VIPR1: variants seen among roughly 807,000 people sequenced by gnomAD.
VIPR1 encodes vasoactive intestinal peptide receptor 1, also known as vasoactive intestinal polypeptide receptor 1.
In VIPR1, 59 loss-of-function variants were observed where a neutral mutation model predicts 58.8. The observed-to-expected ratio is 1.00, with a 90% CI of 0.81 to 1.25. The LOEUF (loss-of-function observed/expected upper bound fraction) is 1.25. Ranked by LOEUF, VIPR1 falls within the 50% of genes most tolerant of loss-of-function variation. VIPR1 has a pLI of 0.00. For synonymous variants in VIPR1, 251 were observed against 242.1 expected (o/e 1.04, Z -0.34); for missense variants, 626 against 602.7 (o/e 1.04, Z -0.40).
At chr3:42,528,309 C>T (rs909357383) in intron 6 of VIPR1, 186 bp downstream of exon 6, 13 of 783,156 alleles carry the variant, frequency 1.7e-5, no homozygotes, top group East Asian at 2.7e-5. Context: ...CACTCCCCTC[C>T]GGCAACAGGA....
intron 1 of VIPR1, among the ~76,000 whole-genome samples, chr3:42,503,963 G>C (rs1041651830): frequency 2.6e-5 from 4 of 152,106 alleles, no homozygotes; most frequent in African/African-American, 7.2e-5. Flanking sequence ...TCCATCTAGC[G>C]GATGTCTTGA....
chr3:42,503,286 A>G (rs1304470704), intron 1 of VIPR1, among the ~76,000 whole-genome samples: 12 of 152,198 alleles, frequency 7.9e-5, no homozygotes, highest in South Asian at 4.2e-4. Context: ...GGGCCCCAGG[A>G]CTTGAGAAGG....
intron 1 of VIPR1, among the ~76,000 whole-genome samples, chr3:42,512,572 G>A (rs879682795): frequency 2.0e-5 from 3 of 152,136 alleles, no homozygotes; most frequent in South Asian, 2.1e-4. Context: ...TCTCTAAGTC[G>A]GCAGGGGAGG....
chr3:42,525,953 TTG>T lies in VIPR1; in HGVS notation c.360_361del (p.Ala121LeufsTer5). The T allele has an allele frequency of 6.2e-7, 1 of 1,613,662 alleles. No individual in the cohort carries two copies. Among genetic ancestry groups the T allele is most frequent in the Non-Finnish European group, 8.5e-7 (1 of 1,179,824 alleles). ...CACCTGGAGCCTGGCCCGTACCCCA[TTG>T]CCTGTGGTTTGGATGACAAGGCAGC... On this transcript the variant is annotated frameshift_variant, in exon 4 of 13. Coordinates refer to ENST00000325123, the MANE Select transcript of VIPR1 (RefSeq NM_004624.4). LOFTEE classifies it high-confidence loss of function.
chr3:42,531,921 G>A (rs1481776186), intron 9 of VIPR1, 52 bp downstream of exon 9: 2 of 1,606,516 alleles, frequency 1.2e-6, no homozygotes, highest in African/African-American at 2.7e-5. Flanking sequence ...CAAAGGGCAG[G>A]CAACTTAGCC....
At chr3:42,491,246 T>A (rs564944559) in intron 1 of VIPR1, among the ~76,000 whole-genome samples, 1 of 152,296 alleles carries the variant, frequency 6.6e-6, no homozygotes, top group East Asian at 1.9e-4. Flanking sequence ...ATAAATAAAT[T>A]ATCAATCAAA....
In VIPR1 at chr3:42,531,824, C is replaced by T; in HGVS notation, c.873C>T (p.Ser291=). The T allele has an allele frequency of 1.2e-6, 2 of 1,614,176 alleles. No individual in the cohort carries two copies. Among genetic ancestry groups the T allele is most frequent in the Non-Finnish European group, 1.7e-6 (2 of 1,180,038 alleles). Residue 291 remains serine (S), a synonymous_variant, in exon 9 of 13, where the codon TCC becomes TCT. Coordinates refer to ENST00000325123, the MANE Select transcript of VIPR1 (RefSeq NM_004624.4). ...EDYGCWDTIN[S]SLWWIIKGPI... Reference sequence around the variant, plus strand: ...TCAGGTGCTGGGACACCATCAACTCCTCACTGTGGTGGATCATAAAGGGCC... The same window carrying T: ...TCAGGTGCTGGGACACCATCAACTCTTCACTGTGGTGGATCATAAAGGGCC...
At chr3:42,530,984 G>C in intron 7 of VIPR1, 52 bp downstream of exon 7, 7 of 1,604,200 alleles carry the variant, frequency 4.4e-6, no homozygotes, top group Non-Finnish European at 6.0e-6. Context: ...GCAAGGCCTG[G>C]AGAACTCCCT....
At position 42,527,787 on chromosome 3, in the gene VIPR1, G is replaced by A. The variant is rs544009312; in HGVS notation, c.504-204G>A. 1.9e-5 allele frequency: 14 copies of A among 735,896 alleles called. No individual in the cohort carries two copies. The Admixed American group carries it at 3.3e-4, about 17-fold the overall frequency. 45.6% of individuals were successfully genotyped at this position (735,896 alleles called of 1,614,324 possible). ...TTCTGGGGCCACACACGAGGTTGAG[G>A]CCCTTGGGAGCCCAGTTGCACAGGT... On this transcript the variant is annotated intron_variant, in intron 5 of 12. Coordinates refer to ENST00000325123, the MANE Select transcript of VIPR1 (RefSeq NM_004624.4).
Position 42,536,819 on chromosome 3 carries a change from C to T in VIPR1, c.*538C>T, listed in dbSNP as rs1157683678. The T allele has an allele frequency of 1.3e-5, 2 of 152,478 alleles. No individual in the cohort carries two copies. Among genetic ancestry groups the T allele is most frequent in the African/African-American group, 2.4e-5 (1 of 41,442 alleles). 9.4% of individuals were successfully genotyped at this position (152,478 alleles called of 1,614,324 possible). ...GATGCAGCTCACTACCCTATTCTCTCTTTACGCTTAGTTATCAGCTTTTTA... is the reference window on the plus strand; with the variant it reads ...GATGCAGCTCACTACCCTATTCTCTTTTTACGCTTAGTTATCAGCTTTTTA... On this transcript the variant is annotated 3_prime_UTR_variant, in exon 13 of 13. Coordinates refer to ENST00000325123, the MANE Select transcript of VIPR1 (RefSeq NM_004624.4).
intron 1 of VIPR1, among the ~76,000 whole-genome samples, chr3:42,495,145 A>G (rs1418663993): frequency 6.6e-6 from 1 of 152,078 alleles, no homozygotes; most frequent in Non-Finnish European, 1.5e-5. Context: ...TTTTTGAGAC[A>G]GAGTCTCACT....
In VIPR1 at chr3:42,519,304, T is replaced by C. The variant is rs201942399; in HGVS notation, c.266T>C (p.Ile89Thr). Residue 89 changes from isoleucine (I) to threonine (T), a missense_variant, in exon 3 of 13, where the codon ATC becomes ACC. Ile to Thr is a moderately conservative substitution (Grantham distance 89). Coordinates refer to ENST00000325123, the MANE Select transcript of VIPR1 (RefSeq NM_004624.4). ...GQVVVLACPL[I>T]FKLFSSIQGR... ...GTAGTTGTCTTGGCCTGTCCCCTCA[T>C]CTTCAAGCTCTTCTCCTCCATTCAA... The C allele has an allele frequency of 8.8e-5, 142 of 1,609,910 alleles. No individual in the cohort carries two copies. Among genetic ancestry groups the C allele is most frequent in the Non-Finnish European group, 2.5e-5 (30 of 1,178,184 alleles).
At chr3:42,509,826 T>G (rs1477704767) in intron 1 of VIPR1, 1 of 152,344 alleles carries the variant, frequency 6.6e-6, no homozygotes, top group African/African-American at 2.4e-5. Flanking sequence ...AGACAGGGAC[T>G]AACCAAGTCT....
At chr3:42,491,105 G>A (rs1009988468) in intron 1 of VIPR1, among the ~76,000 whole-genome samples, 6 of 152,162 alleles carry the variant, frequency 3.9e-5, no homozygotes, top group African/African-American at 1.4e-4. Flanking sequence ...CCCGTGCGCA[G>A]AACCCACAAC....
In VIPR1 at chr3:42,527,490, T is replaced by C. The variant is rs1174822444; in HGVS notation, c.497T>C (p.Leu166Pro). ...TLLVATAILS[L>P]FRKLHCTRNY... ...CTGGTCGCCACAGCTATCCTGAGCC[T>C]GTTCAGGTGAGGCCCAGCCCAAGTC... The change falls in exon 5 of 13, where the codon CTG (leucine) becomes CCG (proline). Residue 166 changes from leucine (L) to proline (P), a missense_variant. By Grantham distance (98) the Leu-to-Pro change is moderately conservative. Transcript: ENST00000325123. The C allele has an allele frequency of 1.2e-6, 2 of 1,613,602 alleles. No homozygotes were observed. The highest frequency in any genetic ancestry group is 1.7e-6 in the Non-Finnish European group (2 of 1,179,892).
chr3:42,522,114 T>A (rs1376232024), intron 3 of VIPR1, among the ~76,000 whole-genome samples: 1,775 of 85,230 alleles, frequency 0.021, 47 homozygotes, highest in African/African-American at 0.083. Flanking sequence ...TTTTTTTTTT[T>A]TTTTTTTTTT....
intron 1 of VIPR1, among the ~76,000 whole-genome samples, chr3:42,508,450 C>G (rs1483883375): frequency 2.6e-5 from 4 of 152,148 alleles, no homozygotes; most frequent in Non-Finnish European, 5.9e-5. Flanking sequence ...GACGGCGTGT[C>G]ACATGCTGCG....
chr3:42,523,090 C>T (rs1559490416), intron 3 of VIPR1, among the ~76,000 whole-genome samples: 1 of 151,416 alleles, frequency 6.6e-6, no homozygotes, highest in East Asian at 2.0e-4. Flanking sequence ...CCTGACCCCG[C>T]CCCCAGTGGA....
chr3:42,493,261 G>A (rs1699699422), intron 1 of VIPR1, among the ~76,000 whole-genome samples: 1 of 152,278 alleles, frequency 6.6e-6, no homozygotes, highest in East Asian at 1.9e-4. Context: ...CAGTGGCAGG[G>A]CACCAGCCTA....
Sources: gnomAD v4.1 joint callset for allele counts (sites outside exome capture counted in the v4.1 genomes callset) on GRCh38, gnomAD v4.1.1 for gene constraint, MANE v1.5 for transcripts, NCBI Gene and HGNC (gene_info 2026-07-23, HGNC 2026-07-21) for gene names.